The following PHACTR1 variants were observed in gnomAD, a reference collection of about 807,000 sequenced individuals.
The protein encoded by PHACTR1 is RPEL repeat containing 1.
PHACTR1 carries 16 observed loss-of-function variants against 69.2 expected under a neutral mutation model. That is an observed-to-expected ratio of 0.23 (90% confidence interval 0.16 to 0.35). The LOEUF is 0.35. Among genes scored for constraint, PHACTR1 ranks in the 10% least tolerant of loss-of-function variants. The pLI is 1.00. For synonymous variants in PHACTR1, 312 were observed against 284.5 expected (o/e 1.10, Z -0.97); for missense variants, 510 against 734.7 (o/e 0.69, Z 3.54).
chr6:12,835,115 A>G (rs1778016869), intron 4 of PHACTR1, among the ~76,000 whole-genome samples: 1 of 152,166 alleles, frequency 6.6e-6, no homozygotes. Context: ...GGCATCCCAA[A>G]TGGAGAGAAC....
At chr6:12,830,963 A>G (rs1006731799) in intron 4 of PHACTR1, among the ~76,000 whole-genome samples, 1 of 152,128 alleles carries the variant, frequency 6.6e-6, no homozygotes, top group Admixed American at 6.5e-5. Context: ...CTTTTGTTAC[A>G]TGGATATATT....
chr6:12,729,972 G>C (rs933083121), intron 3 of PHACTR1, among the ~76,000 whole-genome samples: 5 of 152,130 alleles, frequency 3.3e-5, no homozygotes, highest in African/African-American at 4.8e-5. Context: ...TTCCCTGAGA[G>C]GGAGAATACA....
intron 4 of PHACTR1, among the ~76,000 whole-genome samples, chr6:12,936,120 G>C (rs1019594695): frequency 2.0e-5 from 3 of 150,458 alleles, no homozygotes; most frequent in Non-Finnish European, 4.4e-5. Flanking sequence ...AATGAGTGTT[G>C]ATATAGCACC....
At chr6:12,721,195 G>C (rs1364854678) in intron 3 of PHACTR1, among the ~76,000 whole-genome samples, 1 of 152,150 alleles carries the variant, frequency 6.6e-6, no homozygotes, top group Non-Finnish European at 1.5e-5. Context: ...AGACCAGCCT[G>C]ACCAACATGG....
At chr6:13,234,775 T>C (rs1388521202) in intron 10 of PHACTR1, among the ~76,000 whole-genome samples, 1 of 152,196 alleles carries the variant, frequency 6.6e-6, no homozygotes, top group African/African-American at 2.4e-5. Context: ...ACTATTTCAG[T>C]CCACTGCCAT....
intron 4 of PHACTR1, among the ~76,000 whole-genome samples, chr6:12,799,185 C>A (rs9472583): frequency 0.37 from 56,461 of 151,980 alleles, 11,273 homozygotes; most frequent in African/African-American, 0.5. Flanking sequence ...TGATTCAAAT[C>A]AGTTTTGCTC....
At chr6:12,776,710 T>C (rs960152982) in intron 4 of PHACTR1, among the ~76,000 whole-genome samples, 1 of 152,236 alleles carries the variant, frequency 6.6e-6, no homozygotes, top group Non-Finnish European at 1.5e-5. Flanking sequence ...TAATCATTTA[T>C]ACGTCTCTTC....
chr6:12,780,640 C>T (rs963879674), intron 4 of PHACTR1, among the ~76,000 whole-genome samples: 5 of 152,140 alleles, frequency 3.3e-5, no homozygotes, highest in Non-Finnish European at 7.4e-5. Context: ...CAACTCTGAG[C>T]GTAAACAGCG....
chr6:13,170,016 TTCA>T (rs1374655456), intron 6 of PHACTR1, among the ~76,000 whole-genome samples: 2 of 152,366 alleles, frequency 1.3e-5, no homozygotes, highest in East Asian at 3.9e-4. Context: ...GGCTGGTTCA[TTCA>T]TCAGCTGTGT....
At chr6:12,932,934 C>CTTTTTTTT (rs35209150) in intron 4 of PHACTR1, among the ~76,000 whole-genome samples, 1 of 124,148 alleles carries the variant, frequency 8.1e-6, no homozygotes. Context: ...TATTCCAAAT[C>CTTTTTTTT]TTTTTTTTTT....
chr6:13,194,467 G>T (rs1475482060), intron 7 of PHACTR1, among the ~76,000 whole-genome samples: 6 of 147,372 alleles, frequency 4.1e-5, no homozygotes, highest in African/African-American at 1.5e-4. Context: ...TGAATACTGT[G>T]TAATTTTATT....
intron 13 of PHACTR1, among the ~76,000 whole-genome samples, chr6:13,284,543 A>AAAAAAAAAATAT (rs1554187813): frequency 1.6e-5 from 1 of 61,350 alleles, no homozygotes; most frequent in African/African-American, 1.1e-4. Flanking sequence ...AAAAAAAAAA[A>AAAAAAAAAATAT]ATATATATAT....
chr6:12,762,381 T>C (rs1768116670), intron 4 of PHACTR1, among the ~76,000 whole-genome samples: 2 of 152,256 alleles, frequency 1.3e-5, no homozygotes, highest in African/African-American at 4.8e-5. Context: ...CTGTTATCCG[T>C]GATTTGTGAT....
intron 4 of PHACTR1, among the ~76,000 whole-genome samples, chr6:13,051,487 A>G (rs1805937490): frequency 1.3e-5 from 2 of 152,108 alleles, no homozygotes; most frequent in South Asian, 4.1e-4. Context: ...TCTCTCCACT[A>G]GTGCTTCATC....
chr6:12,878,231 A>G (rs756274069), intron 4 of PHACTR1, among the ~76,000 whole-genome samples: 1 of 152,226 alleles, frequency 6.6e-6, no homozygotes, highest in Admixed American at 6.5e-5. Context: ...CCATGAGTAC[A>G]AGGACCCATT....
chr6:13,217,824 T>G (rs1232928306), intron 8 of PHACTR1, among the ~76,000 whole-genome samples: 1 of 152,248 alleles, frequency 6.6e-6, no homozygotes, highest in Non-Finnish European at 1.5e-5. Context: ...GATTAACTAT[T>G]TTCTTAGGCT....
intron 4 of PHACTR1, among the ~76,000 whole-genome samples, chr6:12,877,744 G>A (rs548421698): frequency 5.9e-5 from 9 of 152,158 alleles, no homozygotes; most frequent in Admixed American, 2.0e-4. Context: ...ATGTCCCCAC[G>A]CTGTGACACT....
chr6:12,797,059 G>T (rs1773110541), intron 4 of PHACTR1, among the ~76,000 whole-genome samples: 1 of 151,402 alleles, frequency 6.6e-6, no homozygotes, highest in African/African-American at 2.4e-5. Context: ...GAGAGAGAGG[G>T]ATATGAATAA....
intron 4 of PHACTR1, among the ~76,000 whole-genome samples, chr6:12,874,727 T>G (rs1420295270): frequency 6.6e-6 from 1 of 152,148 alleles, no homozygotes; most frequent in Non-Finnish European, 1.5e-5. Flanking sequence ...ACAAATTCAG[T>G]GGGTCTCTGC....
Sources: allele counts gnomAD v4.1 joint callset (sites outside exome capture counted in the v4.1 genomes callset), GRCh38; gene constraint gnomAD v4.1.1; transcripts MANE v1.5; gene names NCBI Gene and HGNC (gene_info 2026-07-23, HGNC 2026-07-21).